ASB13: variants seen among roughly 807,000 people sequenced by gnomAD.
The protein encoded by ASB13 is ankyrin repeat and SOCS box containing 13, also known as ankyrin repeat and SOCS box protein 13.
A neutral mutation model predicts 28.8 loss-of-function variants in ASB13; 33 were observed. The observed-to-expected ratio is 1.15, with a 90% confidence interval of 0.87 to 1.53. The LOEUF is 1.53. ASB13 is among the 40% of genes most tolerant of loss of function. ASB13 has a pLI of 0.00. For synonymous variants in ASB13, 182 were observed against 172.9 expected, an observed-to-expected ratio of 1.05 and a Z score of -0.41; for missense variants, 414 against 390.1, an observed-to-expected ratio of 1.06 and a Z score of -0.52.
intron 1 of ASB13, among the ~76,000 whole-genome samples, chr10:5,657,192 A>C (rs1835087164): frequency 6.6e-6 from 1 of 152,210 alleles, no homozygotes; most frequent in African/African-American, 2.4e-5. Context: ...ATAAGAAAAA[A>C]AGAAAAAAGA....
chr10:5,651,554 G>C lies in ASB13; in HGVS notation c.232-191C>G. Reference sequence around the variant, plus strand: ...GAGCACCGACGGCCTCCTGAGTAGAGAAGTCATCTCGTTCAGGATTCTTTT... The same window carrying C: ...GAGCACCGACGGCCTCCTGAGTAGACAAGTCATCTCGTTCAGGATTCTTTT... On this transcript the variant is annotated intron_variant, in intron 2 of 5. Transcript: ENST00000357700. The surrounding 1 kb of genome is among the most constrained non-coding windows in gnomAD (Gnocchi z 5.1). 1.7e-6 allele frequency: 1 copy of C among 593,936 alleles called. No homozygotes were observed. The highest frequency in any genetic ancestry group is 2.9e-6 in the Non-Finnish European group (1 of 348,210). 36.8% of individuals were successfully genotyped at this position (593,936 alleles called of 1,614,324 possible).
rs1308683222 is a variant in ASB13 at position 5,645,351 on chromosome 10, G to A, written c.518-3390C>T. ...CAGGGCCAGTGCTAAGAACAAAGGTGGAAGCAGGACCGTCCTCAGGGAGCC... is the reference window on the plus strand; with the variant it reads ...CAGGGCCAGTGCTAAGAACAAAGGTAGAAGCAGGACCGTCCTCAGGGAGCC... On this transcript the variant is annotated intron_variant, in intron 4 of 5. Transcript: ENST00000357700. The surrounding 1 kb of genome is among the most constrained non-coding windows in gnomAD (Gnocchi z 5.4). Among the ~76,000 whole-genome samples the A allele has an allele frequency of 6.6e-6, 1 of 152,080 alleles. No individual in the cohort carries two copies. Among genetic ancestry groups the A allele is most frequent in the Non-Finnish European group, 1.5e-5 (1 of 68,022 alleles).
intron 4 of ASB13, among the ~76,000 whole-genome samples, chr10:5,643,764 T>C (rs1834842711): frequency 6.6e-6 from 1 of 152,202 alleles, no homozygotes; most frequent in Non-Finnish European, 1.5e-5. Context: ...CTTTCTCTCA[T>C]GTCATTAATT....
chr10:5,649,235 C>G lies in ASB13; in HGVS notation c.383-131G>C. 3.1e-6 allele frequency: 4 copies of G among 1,282,362 alleles called. No homozygotes were observed. Among genetic ancestry groups the G allele is most frequent in the Admixed American group, 3.9e-5 (2 of 50,808 alleles). The allele number at this position is 1,282,362 out of a possible 1,614,324, so 79.4% of individuals were successfully genotyped here. Reference sequence around the variant, plus strand: ...AGGGAAGCCAGGCAGGCCTGCGTCCCAACCTAGGGAGGAGTTCATGACCCG... The same window carrying G: ...AGGGAAGCCAGGCAGGCCTGCGTCCGAACCTAGGGAGGAGTTCATGACCCG... On this transcript the variant is annotated intron_variant, in intron 3 of 5. Transcript: ENST00000357700. This position sits in a 1 kb window ranked among gnomAD's most constrained non-coding sequence, Gnocchi z 6.4.
In ASB13 at chr10:5,653,027, C is replaced by G. The variant is rs147576380; in HGVS notation, c.67G>C (p.Val23Leu). ...DVGFWVERTPVHEAAQRGESL... is the reference protein window; with the variant it reads ...DVGFWVERTPLHEAAQRGESL... ...TCACCCCGCTGGGCTGCCTCGTGCACAGGGGTCCGCTCCACCCAGAAACCT... is the reference window on the plus strand; with the variant it reads ...TCACCCCGCTGGGCTGCCTCGTGCAGAGGGGTCCGCTCCACCCAGAAACCT... The change falls in exon 2 of 6, where the codon GTG (valine) becomes CTG (leucine). Residue 23 changes from valine to leucine, a missense_variant. By Grantham distance (32) the Val-to-Leu change is conservative (BLOSUM62 1). Transcript: ENST00000357700. 6.5e-7 allele frequency: 1 copy of G among 1,549,464 alleles called. No homozygotes were observed. The highest frequency in any genetic ancestry group is 2.0e-5 in the Admixed American group (1 of 50,882).
rs557860434 is a variant in ASB13, at chr10:5,659,664, C to T, written c.44-6614G>A. On this transcript the variant is annotated intron_variant, in intron 1 of 5. Transcript: ENST00000357700. The surrounding 1 kb of genome is among the most constrained non-coding windows in gnomAD (Gnocchi z 5.8). ...GCCTCCCGAGCATGCAGCCCACCCC[C>T]CCACGCCATCTCCACACTATTGCCC... 6.6e-6 allele frequency among the ~76,000 whole-genome samples: 1 copy of T among 152,094 alleles called. No individual in the cohort carries two copies. The highest frequency in any genetic ancestry group is 1.5e-5 in the Non-Finnish European group (1 of 68,016).
In ASB13 at chr10:5,639,556, A is replaced by G. The variant is rs1213092408; in HGVS notation, c.*1147T>C. 3.9e-5 allele frequency: 6 copies of G among 152,248 alleles called. No homozygotes were observed. Among genetic ancestry groups the G allele is most frequent in the Non-Finnish European group, 8.8e-5 (6 of 68,080 alleles). 9.4% of individuals were successfully genotyped at this position (152,248 alleles called of 1,614,324 possible). A position where few individuals can be genotyped will look rare whatever the true frequency, so the allele number is the denominator to read the frequency against. On this transcript the variant is annotated 3_prime_UTR_variant, in exon 6 of 6. Transcript: ENST00000357700. ...AAGGCAAAGACTCCTAGGCCGGCCC[A>G]TGCAGTCTGAATACGCTACCGAATG...
rs1371524993 is a variant in ASB13 at position 5,649,112 on chromosome 10, T to C, written c.383-8A>G. On this transcript the variant is annotated splice_region_variant and splice_polypyrimidine_tract_variant and intron_variant, in intron 3 of 5. Transcript: ENST00000357700. This position sits in a 1 kb window ranked among gnomAD's most constrained non-coding sequence, Gnocchi z 6.4. ...TCACACATTCGGAACTCCCTTAAGA[T>C]AAATGGAAAAGGGGGGGAATGTCCT... 1.2e-6 allele frequency: 2 copies of C among 1,613,942 alleles called. No individual in the cohort carries two copies. Among genetic ancestry groups the C allele is most frequent in the South Asian group, 2.2e-5 (2 of 91,074 alleles).
chr10:5,651,526 G>A lies in ASB13; in HGVS notation c.232-163C>T. The stretch of plus-strand genomic sequence containing the variant: ...ACACTGAAAGAGATAGCACGTGGCT[G>A]CGGAGCACCGACGGCCTCCTGAGTA... On this transcript the variant is annotated intron_variant, in intron 2 of 5. Coordinates refer to ENST00000357700, the MANE Select transcript of ASB13 (RefSeq NM_024701.4). The surrounding 1 kb of genome is among the most constrained non-coding windows in gnomAD (Gnocchi z 5.1). The A allele has an allele frequency of 1.4e-6, 1 of 735,736 alleles. No homozygotes were observed. Among genetic ancestry groups the A allele is most frequent in the Non-Finnish European group, 2.1e-6 (1 of 467,182 alleles). 45.6% of individuals were successfully genotyped at this position (735,736 alleles called of 1,614,324 possible).
Position 5,639,978 on chromosome 10 carries a change from T to A in ASB13, c.*725A>T, listed in dbSNP as rs567482802. ...AAAGGTTTTTATCCTACATATAAAC[T>A]TTTTACAAGAGTTGGAGACCTAATA... On this transcript the variant is annotated 3_prime_UTR_variant, in exon 6 of 6. Coordinates refer to ENST00000357700, the MANE Select transcript of ASB13 (RefSeq NM_024701.4). 6.5e-6 allele frequency: 1 copy of A among 152,750 alleles called. No homozygotes were observed. The highest frequency in any genetic ancestry group is 6.5e-5 in the Admixed American group (1 of 15,298). 9.5% of individuals were successfully genotyped at this position (152,750 alleles called of 1,614,324 possible).
In ASB13 at chr10:5,642,043, A is replaced by G; in HGVS notation, c.518-82T>C. 2 of 1,380,384 alleles carry G rather than the reference A, an allele frequency of 1.4e-6. No individual in the cohort carries two copies. Among genetic ancestry groups the G allele is most frequent in the East Asian group, 4.7e-5 (2 of 42,560 alleles). The allele number at this position is 1,380,384 out of a possible 1,614,324, so 85.5% of individuals were successfully genotyped here. A position where few individuals can be genotyped will look rare whatever the true frequency, so the allele number is the denominator to read the frequency against. ...GACAATCAGGTCCGTTTCGTCACACAGCACGGTGGCAGAAGCAATCCCCAC... is the reference window on the plus strand; with the variant it reads ...GACAATCAGGTCCGTTTCGTCACACGGCACGGTGGCAGAAGCAATCCCCAC... On this transcript the variant is annotated intron_variant, in intron 4 of 5. Transcript: ENST00000357700. The surrounding 1 kb of genome is among the most constrained non-coding windows in gnomAD (Gnocchi z 4.1).
At chr10:5,647,274 G>A (rs1397094786) in intron 4 of ASB13, among the ~76,000 whole-genome samples, 11 of 152,122 alleles carry the variant, frequency 7.2e-5, no homozygotes, top group Admixed American at 5.2e-4. Context: ...AAACAGTTTT[G>A]TTTTTATCCT....
rs772983408 is a variant in ASB13, at chr10:5,640,674, G to A, written c.*29C>T. On this transcript the variant is annotated 3_prime_UTR_variant, in exon 6 of 6. Transcript: ENST00000357700. ...CCGGGCAATGCTGGGCACAACGGGGGCAGCCACGGTCCGGACCCCACCTGC... is the reference window on the plus strand; with the variant it reads ...CCGGGCAATGCTGGGCACAACGGGGACAGCCACGGTCCGGACCCCACCTGC... 9.9e-6 allele frequency: 16 copies of A among 1,613,652 alleles called. No homozygotes were observed. The highest frequency in any genetic ancestry group is 1.7e-5 in the Admixed American group (1 of 60,004).
Position 5,649,166 on chromosome 10 carries a change from C to T in ASB13, c.383-62G>A. On this transcript the variant is annotated intron_variant, in intron 3 of 5. Transcript: ENST00000357700. The surrounding 1 kb of genome is among the most constrained non-coding windows in gnomAD (Gnocchi z 6.4). ...ATACGGACACTGGAGACAACAAGCACACAGACGCGGCAGGGGCAGCAGCCT... is the reference window on the plus strand; with the variant it reads ...ATACGGACACTGGAGACAACAAGCATACAGACGCGGCAGGGGCAGCAGCCT... 1 of 1,603,350 alleles carries T rather than the reference C, an allele frequency of 6.2e-7. No homozygotes were observed. Among genetic ancestry groups the T allele is most frequent in the Non-Finnish European group, 8.5e-7 (1 of 1,174,888 alleles).
At chr10:5,653,245 A>T (rs1835018269) in intron 1 of ASB13, among the ~76,000 whole-genome samples, 195 bp from the exon 2 acceptor site, 2 of 152,176 alleles carry the variant, frequency 1.3e-5, no homozygotes, top group Non-Finnish European at 2.9e-5. Context: ...GGCAAGGCCT[A>T]CAAGGGGCTC....
rs1031899180 is a variant in ASB13, at chr10:5,649,976, C to T, written c.383-872G>A. On this transcript the variant is annotated intron_variant, in intron 3 of 5. Coordinates refer to ENST00000357700, the MANE Select transcript of ASB13 (RefSeq NM_024701.4). The surrounding 1 kb of genome is among the most constrained non-coding windows in gnomAD (Gnocchi z 6.4). ...AATTACCTCTTCACTGTTGGCAGCT[C>T]CCTAATTTTCCCCACCAGCCTCACA... Among the ~76,000 whole-genome samples, 3 of 152,178 alleles carry T rather than the reference C, an allele frequency of 2.0e-5. No individual in the cohort carries two copies. The highest frequency in any genetic ancestry group is 4.4e-5 in the Non-Finnish European group (3 of 68,032).
Position 5,644,479 on chromosome 10 carries a change from G to A in ASB13, c.518-2518C>T, listed in dbSNP as rs912407161. Among the ~76,000 whole-genome samples, 1 of 152,090 alleles carries A rather than the reference G, an allele frequency of 6.6e-6. No homozygotes were observed. Among genetic ancestry groups the A allele is most frequent in the Admixed American group, 6.6e-5 (1 of 15,264 alleles). On this transcript the variant is annotated intron_variant, in intron 4 of 5. Transcript: ENST00000357700. This position sits in a 1 kb window ranked among gnomAD's most constrained non-coding sequence, Gnocchi z 5.1. ...CCACTGCACTCCAGCCTGGATGACA[G>A]AGTGAGGCCCATAGTGAGAAAGAGA...
chr10:5,650,076 G>A lies in ASB13; in HGVS notation c.383-972C>T, dbSNP rs1369204852. ...ACTCTAGAGCCCTCTCCCTTTCCTG[G>A]GGTCCTTGCTCCTGACTCAAACCTG... On this transcript the variant is annotated intron_variant, in intron 3 of 5. Transcript: ENST00000357700. The surrounding 1 kb of genome is among the most constrained non-coding windows in gnomAD (Gnocchi z 6.0). Among the ~76,000 whole-genome samples the A allele has an allele frequency of 2.6e-5, 4 of 152,184 alleles. No individual in the cohort carries two copies. Among genetic ancestry groups the A allele is most frequent in the Middle Eastern group, 3.4e-3 (1 of 294 alleles).
In ASB13 at chr10:5,640,594, C is replaced by G. The variant is rs1031299725; in HGVS notation, c.*109G>C. On this transcript the variant is annotated 3_prime_UTR_variant, in exon 6 of 6. Coordinates refer to ENST00000357700, the MANE Select transcript of ASB13 (RefSeq NM_024701.4). ...GATCGCAGGAAGGGACTCGAAGGAG[C>G]GTTGTTCTATCTACAGCAATCACGC... 2.2e-6 allele frequency: 3 copies of G among 1,387,278 alleles called. No homozygotes were observed. The highest frequency in any genetic ancestry group is 3.0e-6 in the Non-Finnish European group (3 of 996,888). The allele number at this position is 1,387,278 out of a possible 1,614,324, so 85.9% of individuals were successfully genotyped here.
Sources: allele counts gnomAD v4.1 joint callset (sites outside exome capture counted in the v4.1 genomes callset), GRCh38; gene constraint gnomAD v4.1.1; non-coding constraint Gnocchi (gnomAD v3.1); transcripts MANE v1.5; gene names NCBI Gene and HGNC (gene_info 2026-07-23, HGNC 2026-07-21).